GAREM1: variants seen among roughly 807,000 people sequenced by gnomAD.
GAREM1 encodes the protein GRB2 associated regulator of MAPK1 subtype 1, also known as GRB2-associated and regulator of MAPK protein 1.
A neutral mutation model predicts 71.3 loss-of-function variants in GAREM1; 26 were observed. The ratio of observed to expected loss-of-function variants is 0.36; its 90% CI spans 0.27 to 0.51. The LOEUF (loss-of-function observed/expected upper bound fraction) is 0.51, where lower values mean the gene tolerates loss of function less well. Ranked by LOEUF, GAREM1 falls within the 20% of genes least tolerant of loss-of-function variation. The probability of loss-of-function intolerance (pLI) is 0.95; values close to 1 mark genes in which losing one functional copy is unlikely to be tolerated. For missense variants in GAREM1, 1,026 were observed against 1,103.1 expected (o/e 0.93, Z 0.99); for synonymous variants, 440 against 433.2 (o/e 1.02, Z -0.20).
intron 1 of GAREM1, among the ~76,000 whole-genome samples, chr18:32,395,282 A>C (rs960160758): frequency 7.2e-5 from 11 of 152,188 alleles, no homozygotes; most frequent in Non-Finnish European, 1.5e-4. Flanking sequence ...TCATTCATTC[A>C]CTCAACCAAT....
chr18:32,381,503 C>T (rs2048097780), intron 2 of GAREM1, among the ~76,000 whole-genome samples: 1 of 152,206 alleles, frequency 6.6e-6, no homozygotes, highest in Non-Finnish European at 1.5e-5. Flanking sequence ...CCCTTTTCCT[C>T]ATTCCTCTTA....
intron 1 of GAREM1, among the ~76,000 whole-genome samples, chr18:32,400,212 T>C (rs2048300085): frequency 6.6e-6 from 1 of 152,116 alleles, no homozygotes; most frequent in Non-Finnish European, 1.5e-5. Flanking sequence ...CCTAAAACCA[T>C]AAAAACCCTA....
In GAREM1 at chr18:32,438,337, C is replaced by G. The variant is rs544919477; in HGVS notation, c.121+31971G>C. On this transcript the variant is annotated intron_variant, in intron 1 of 5. Coordinates refer to ENST00000269209, the MANE Select transcript of GAREM1 (RefSeq NM_001242409.2). ...CATCCGTGACCTTCCTTTCACAGGT[C>G]GTGCTAAGCCCTCACACTTTCCTCA... Among the ~76,000 whole-genome samples, 3 of 152,342 alleles carry G rather than the reference C, an allele frequency of 2.0e-5. No homozygotes were observed. The South Asian group carries it at 6.2e-4, about 32-fold the overall frequency.
intron 1 of GAREM1, among the ~76,000 whole-genome samples, chr18:32,395,486 T>C (rs373018116): frequency 6.6e-6 from 1 of 152,220 alleles, no homozygotes; most frequent in Non-Finnish European, 1.5e-5. Flanking sequence ...CAGGATTATA[T>C]AGAACAGGGG....
intron 4 of GAREM1, among the ~76,000 whole-genome samples, chr18:32,283,225 G>A (rs890734606): frequency 2.6e-5 from 4 of 152,168 alleles, no homozygotes; most frequent in African/African-American, 9.7e-5. Context: ...TTCCAGAGAG[G>A]TTAGTGTCAG....
chr18:32,329,094 G>C (rs535773438), intron 2 of GAREM1, among the ~76,000 whole-genome samples: 1 of 152,142 alleles, frequency 6.6e-6, no homozygotes, highest in Non-Finnish European at 1.5e-5. Context: ...ACTTCTGCCC[G>C]GCATGGTGGC....
intron 2 of GAREM1, among the ~76,000 whole-genome samples, chr18:32,336,461 T>C (rs1037814760): frequency 6.7e-6 from 1 of 150,372 alleles, no homozygotes; most frequent in Non-Finnish European, 1.5e-5. Flanking sequence ...TCATACAGTA[T>C]ATATGAAAGC....
intron 1 of GAREM1, among the ~76,000 whole-genome samples, chr18:32,421,543 G>T (rs1023742487): frequency 6.6e-6 from 1 of 152,102 alleles, no homozygotes; most frequent in Non-Finnish European, 1.5e-5. Context: ...TCCAAACGCC[G>T]TGGGGTGCAG....
chr18:32,333,830 T>C (rs1308770690), intron 2 of GAREM1, among the ~76,000 whole-genome samples: 3 of 152,194 alleles, frequency 2.0e-5, no homozygotes, highest in Admixed American at 6.5e-5. Context: ...GTGCTTATCA[T>C]TGGTGTCAAC....
intron 1 of GAREM1, among the ~76,000 whole-genome samples, chr18:32,434,633 G>A (rs887865539): frequency 6.6e-6 from 1 of 151,842 alleles, no homozygotes; most frequent in Non-Finnish European, 1.5e-5. Flanking sequence ...GACTCATACT[G>A]ATATAAATTA....
In GAREM1 at chr18:32,264,251, G is replaced by A. The variant is rs566084724; in HGVS notation, c.*3620C>T. ...AGGCATGTTTCTGAAAGCCCCCTAC[G>A]TCCAACAACAGATTTAACTTTTCTG... On this transcript the variant is annotated 3_prime_UTR_variant, in exon 6 of 6. Coordinates refer to ENST00000269209, the MANE Select transcript of GAREM1 (RefSeq NM_001242409.2). 14 of 152,220 alleles carry A rather than the reference G, an allele frequency of 9.2e-5. No homozygotes were observed. In the East Asian group the frequency reaches 1.9e-3, roughly 21 times the overall value. The allele number at this position is 152,220 out of a possible 1,614,324, so 9.4% of individuals were successfully genotyped here. A position where few individuals can be genotyped will look rare whatever the true frequency, so the allele number is the denominator to read the frequency against.
intron 3 of GAREM1, among the ~76,000 whole-genome samples, chr18:32,307,043 C>T (rs937667240): frequency 2.0e-5 from 3 of 152,150 alleles, no homozygotes; most frequent in African/African-American, 4.8e-5. Flanking sequence ...AGTACTAGTA[C>T]TAGCCATTAA....
Position 32,267,985 on chromosome 18 carries a change from A to C in GAREM1, c.2517T>G (p.Asp839Glu). The change falls in exon 6 of 6, where the codon GAT (aspartate) becomes GAG (glutamate). Residue 839 changes from aspartate to glutamate, a missense_variant. Physicochemically the swap from Asp to Glu is conservative, Grantham distance 45. Around this residue, in one of 3 missense-constraint regions of GAREM1, gnomAD observed 636 missense variants for 631.2 expected, o/e 1.01. Coordinates refer to ENST00000269209, the MANE Select transcript of GAREM1 (RefSeq NM_001242409.2). ...CCGTTAGCTGAACAAGCAGGTTCCC[A>C]TCAATCTTTTCAGTAACAAAGAATG... ...VISFFVTEKIDGNLLVQLTEE... is the reference protein window; with the variant it reads ...VISFFVTEKIEGNLLVQLTEE... 1 of 1,614,090 alleles carries C rather than the reference A, an allele frequency of 6.2e-7. No homozygotes were observed. Among genetic ancestry groups the C allele is most frequent in the Non-Finnish European group, 8.5e-7 (1 of 1,179,954 alleles).
rs765911017 is a variant in GAREM1 at position 32,268,684 on chromosome 18, C to T, written c.1818G>A (p.Val606=). The change falls in exon 6 of 6, where the codon GTG becomes GTA. Residue 606 remains valine (V), a synonymous_variant. Coordinates refer to ENST00000269209, the MANE Select transcript of GAREM1 (RefSeq NM_001242409.2). ...YPCNRVKTDS[V]DLKSPFGSPS... is the part of the protein sequence containing the mutation. ...GACTTCCAAACGGGGATTTCAGGTC[C>T]ACAGAATCAGTTTTCACTCGGTTAC... 35 of 1,613,986 alleles carry T rather than the reference C, an allele frequency of 2.2e-5. No individual in the cohort carries two copies. In the Admixed American group the frequency reaches 3.2e-4, roughly 15 times the overall value.
At chr18:32,321,515 G>T (rs2047428357) in intron 2 of GAREM1, among the ~76,000 whole-genome samples, 1 of 152,148 alleles carries the variant, frequency 6.6e-6, no homozygotes, top group African/African-American at 2.4e-5. Context: ...TTTCTCTCTA[G>T]CAGGATCTCT....
chr18:32,345,154 G>C (rs1050515083), intron 2 of GAREM1, among the ~76,000 whole-genome samples: 6 of 152,154 alleles, frequency 3.9e-5, no homozygotes, highest in Non-Finnish European at 1.5e-5. Flanking sequence ...TAAAATGTAT[G>C]AGCAAATCAA....
chr18:32,329,399 C>T (rs1490663107), intron 2 of GAREM1, among the ~76,000 whole-genome samples: 1 of 151,566 alleles, frequency 6.6e-6, no homozygotes, highest in Non-Finnish European at 1.5e-5. Flanking sequence ...AAAGGTATTG[C>T]TTCACACCTA....
At position 32,364,013 on chromosome 18, in the gene GAREM1, TATATATATATA is replaced by T. The variant is rs1567980673; in HGVS notation, c.262+28871_262+28881del. 1.4e-3 allele frequency among the ~76,000 whole-genome samples: 97 copies of T among 67,856 alleles called. 4 individuals are homozygous for T. Among genetic ancestry groups the T allele is most frequent in the Middle Eastern group, 5.9e-3 (1 of 170 alleles). The allele number at this position is 67,856 out of a possible 152,430, so 44.5% of individuals were successfully genotyped here. Reference sequence around the variant, plus strand: ...ATATATACATATATATATATATATATATATATATATATATGTTTTTTTTTTTTTTTTTTTTT... The same window carrying T: ...ATATATACATATATATATATATATATTATGTTTTTTTTTTTTTTTTTTTTT... On this transcript the variant is annotated intron_variant, in intron 2 of 5. Coordinates refer to ENST00000269209, the MANE Select transcript of GAREM1 (RefSeq NM_001242409.2).
chr18:32,365,895 T>G (rs1239741152), intron 2 of GAREM1, among the ~76,000 whole-genome samples: 3 of 152,178 alleles, frequency 2.0e-5, no homozygotes, highest in Non-Finnish European at 4.4e-5. Flanking sequence ...GGCAATTCCA[T>G]GGCTAGGGGA....
Sources: gnomAD v4.1 joint callset for allele counts (sites outside exome capture counted in the v4.1 genomes callset) on GRCh38, gnomAD v4.1.1 for gene constraint, gnomAD v4.1.1 regional missense constraint, MANE v1.5 for transcripts, NCBI Gene and HGNC (gene_info 2026-07-23, HGNC 2026-07-21) for gene names.